NDUFAF7: variants seen among roughly 807,000 people sequenced by gnomAD.
NDUFAF7 encodes NADH:ubiquinone oxidoreductase complex assembly factor 7.
A neutral mutation model predicts 47.2 loss-of-function variants in NDUFAF7; 48 were observed. That is an observed-to-expected ratio of 1.02 (90% CI 0.81 to 1.29). The LOEUF (loss-of-function observed/expected upper bound fraction) is 1.29, where lower values mean the gene tolerates loss of function less well. Ranked by LOEUF, NDUFAF7 falls within the 50% of genes most tolerant of loss-of-function variation. NDUFAF7 has a pLI of 0.00. For missense variants in NDUFAF7, 635 were observed against 537.6 expected (o/e 1.18, Z -1.79); for synonymous variants, 217 against 190.0 (o/e 1.14, Z -1.17).
At chr2:37,267,508 C>T in the NDUFAF7 span, 5 of 1,610,422 alleles carry the variant, frequency 3.1e-6, no homozygotes, top group African/African-American at 1.3e-5. Context: ...CTTTAATAGC[C>T]ACATCCCTCC....
downstream of NDUFAF7, among the ~76,000 whole-genome samples, chr2:37,255,395 G>A (rs1667853764): frequency 6.6e-6 from 1 of 152,116 alleles, no homozygotes; most frequent in South Asian, 2.1e-4. Context: ...AACTTCTATG[G>A]GGCAGTTAAA....
the NDUFAF7 span, chr2:37,268,612 G>T: frequency 1.5e-5 from 4 of 260,384 alleles, no homozygotes; most frequent in Non-Finnish European, 3.0e-5. Context: ...TTTATTTGAT[G>T]GAGAAATAGG....
chr2:37,268,266 A>C, the NDUFAF7 span: 2 of 468,658 alleles, frequency 4.3e-6, no homozygotes, highest in East Asian at 7.0e-5. Context: ...AAGACTGAAC[A>C]AATGTGTGCA....
Position 37,248,760 on chromosome 2 carries a change from C to T in NDUFAF7, c.*410C>T, listed in dbSNP as rs1667195566. ...AGAAACCCCATCTCTACTAAAAATA[C>T]AAAACTAGCCGGGTATGGTGGTACA... On this transcript the variant is annotated 3_prime_UTR_variant, in exon 10 of 10. Transcript: ENST00000002125. 7.8e-6 allele frequency: 2 copies of T among 257,044 alleles called. No homozygotes were observed. The highest frequency in any genetic ancestry group is 5.0e-5 in the Admixed American group (1 of 20,126). 15.9% of individuals were successfully genotyped at this position (257,044 alleles called of 1,614,324 possible).
chr2:37,268,054 C>T, the NDUFAF7 span: 9 of 195,590 alleles, frequency 4.6e-5, no homozygotes, highest in East Asian at 6.6e-4. Context: ...CAGTCATTCC[C>T]TCATTTATTA....
intron 2 of NDUFAF7, among the ~76,000 whole-genome samples, chr2:37,233,683 C>CAT (rs1171135917): frequency 2.0e-5 from 3 of 149,382 alleles, no homozygotes; most frequent in Non-Finnish European, 4.4e-5. Context: ...GGCATATATA[C>CAT]ATTTGCTCGT....
intron 2 of NDUFAF7, among the ~76,000 whole-genome samples, chr2:37,233,551 C>T (rs373833661): frequency 6.7e-6 from 1 of 149,812 alleles, no homozygotes; most frequent in Non-Finnish European, 1.5e-5. Context: ...GAACCCGGGA[C>T]GCAGAGGTTG....
At chr2:37,235,764 C>T (rs1665689493) in intron 2 of NDUFAF7, among the ~76,000 whole-genome samples, 1 of 152,098 alleles carries the variant, frequency 6.6e-6, no homozygotes, top group Non-Finnish European at 1.5e-5. Context: ...ACGCCATTTT[C>T]CTGCCTCAGC....
In NDUFAF7 at chr2:37,237,637, T is replaced by C. The variant is rs532348988; in HGVS notation, c.298-120T>C. On this transcript the variant is annotated intron_variant, in intron 3 of 9. Coordinates refer to ENST00000002125, the MANE Select transcript of NDUFAF7 (RefSeq NM_144736.5). ...GTACGTATGTATTGAACAACATACA[T>C]ATGGCTGTACACATTTTGCTTTTTG... is the stretch of plus-strand genomic sequence containing the variant. The C allele has an allele frequency of 6.0e-5, 43 of 721,552 alleles. No homozygotes were observed. The African/African-American group carries it at 6.9e-4, about 12-fold the overall frequency. The allele number at this position is 721,552 out of a possible 1,614,324, so 44.7% of individuals were successfully genotyped here. A position where few individuals can be genotyped will look rare whatever the true frequency, so the allele number is the denominator to read the frequency against.
chr2:37,233,657 G>C (rs1302997312), intron 2 of NDUFAF7, among the ~76,000 whole-genome samples: 1 of 150,302 alleles, frequency 6.7e-6, no homozygotes, highest in Non-Finnish European at 1.5e-5. Context: ...CTGGTGTTCA[G>C]AAGAAAGACT....
intron 6 of NDUFAF7, among the ~76,000 whole-genome samples, chr2:37,243,608 A>G (rs895833407): frequency 5.3e-5 from 8 of 152,006 alleles, no homozygotes; most frequent in Non-Finnish European, 5.9e-5. Context: ...TCCTGAGTCT[A>G]TTTCCGTTTT....
At chr2:37,264,478 A>G in the NDUFAF7 span, among the ~76,000 whole-genome samples, 695 of 139,642 alleles carry the variant, frequency 5.0e-3, 7 homozygotes, top group African/African-American at 0.018. Flanking sequence ...TGAAGGTGAT[A>G]AGTGCCATGG....
chr2:37,241,555 T>C (rs1230570642), intron 4 of NDUFAF7, 23 bp from the exon 5 acceptor site: 3 of 1,578,096 alleles, frequency 1.9e-6, no homozygotes, highest in Admixed American at 3.4e-5. Flanking sequence ...CATTGTATTT[T>C]TTTTTCTTCT....
the NDUFAF7 span, among the ~76,000 whole-genome samples, chr2:37,271,317 A>G: frequency 6.6e-6 from 1 of 152,240 alleles, no homozygotes; most frequent in African/African-American, 2.4e-5. Flanking sequence ...CGATCTAAAA[A>G]TGGTCTTTAA....
rs112675974 is a variant in NDUFAF7 at position 37,232,013 on chromosome 2, G to T, written c.56-93G>T. ...CGGTCTGCGGTGGGGCGAGGTTAAG[G>T]GTTCACGAAGCTGTTTTGAAAACGC... On this transcript the variant is annotated intron_variant, in intron 1 of 9. Transcript: ENST00000002125. The T allele has an allele frequency of 9.2e-4, 1,483 of 1,607,292 alleles. 12 individuals are homozygous for T. In the African/African-American group the frequency reaches 0.016, roughly 17 times the overall value.
intron 2 of NDUFAF7, 21 bp from the exon 3 acceptor site, chr2:37,236,075 C>G: frequency 6.3e-7 from 1 of 1,586,354 alleles, no homozygotes. Flanking sequence ...TTTTGTTTCT[C>G]TATTTTCTCT....
Position 37,246,121 on chromosome 2 carries a change from C to T in NDUFAF7, c.862C>T (p.Arg288Cys), listed in dbSNP as rs748121428. The change falls in exon 8 of 10, where the codon CGC becomes TGC. Residue 288 changes from arginine to cysteine, a missense_variant. Arg to Cys is a radical substitution (Grantham distance 180). Transcript: ENST00000002125. The stretch of plus-strand genomic sequence containing the variant: ...TGTTATCATCGAGGAACTTTCTCAA[C>T]GCATTGCATTAACTGGAGGTGCTGC... The part of the protein sequence containing the change: ...AGVIIEELSQ[R>C]IALTGGAALV... 1.4e-5 allele frequency: 22 copies of T among 1,613,896 alleles called. No individual in the cohort carries two copies. Among genetic ancestry groups the T allele is most frequent in the Middle Eastern group, 3.3e-4 (2 of 6,058 alleles).
chr2:37,234,086 CTTTT>C (rs1558488007), intron 2 of NDUFAF7, among the ~76,000 whole-genome samples: 1 of 151,996 alleles, frequency 6.6e-6, no homozygotes, highest in African/African-American at 2.4e-5. Flanking sequence ...TGATTATGGG[CTTTT>C]TTGTTTGTTG....
Position 37,249,084 on chromosome 2 carries a change from C to T in NDUFAF7, c.*734C>T, listed in dbSNP as rs1006218277. The T allele has an allele frequency of 2.0e-5, 3 of 152,108 alleles. No individual in the cohort carries two copies. The highest frequency in any genetic ancestry group is 2.1e-4 in the South Asian group (1 of 4,832). The allele number at this position is 152,108 out of a possible 1,614,324, so 9.4% of individuals were successfully genotyped here. ...TTAGTAAGTGAAAAAAAGTAGGATG[C>T]AAGAGTTTTTATAGTTGATTCCATT... On this transcript the variant is annotated 3_prime_UTR_variant, in exon 10 of 10. Coordinates refer to ENST00000002125, the MANE Select transcript of NDUFAF7 (RefSeq NM_144736.5).
Sources: allele counts gnomAD v4.1 joint callset (sites outside exome capture counted in the v4.1 genomes callset), GRCh38; gene constraint gnomAD v4.1.1; transcripts MANE v1.5; gene names NCBI Gene and HGNC (gene_info 2026-07-23, HGNC 2026-07-21).